The following UBE2E2 variants were observed in gnomAD, a reference collection of about 807,000 sequenced individuals.
UBE2E2 encodes ubiquitin-conjugating enzyme E2 E2.
Under a neutral mutation model 24.7 loss-of-function variants are expected in UBE2E2, and 6 were observed. The observed-to-expected ratio is 0.24, with a 90% confidence interval of 0.13 to 0.48. The LOEUF (loss-of-function observed/expected upper bound fraction) is 0.48, where lower values mean the gene tolerates loss of function less well. Among genes scored for constraint, UBE2E2 ranks in the 20% least tolerant of loss-of-function variants. The pLI, the probability that UBE2E2 is intolerant of heterozygous loss-of-function variation, is 0.99. For synonymous variants in UBE2E2, 104 were observed against 83.6 expected (o/e 1.24, Z -1.33); for missense variants, 169 against 245.0 (o/e 0.69, Z 2.07).
chr3:23,308,843 G>T (rs1405277171), intron 3 of UBE2E2, among the ~76,000 whole-genome samples: 1 of 152,164 alleles, frequency 6.6e-6, no homozygotes, highest in Non-Finnish European at 1.5e-5. Flanking sequence ...TCAAAACCGG[G>T]TAAGCTGACA....
intron 3 of UBE2E2, among the ~76,000 whole-genome samples, chr3:23,451,285 T>G (rs533171180): frequency 2.0e-4 from 30 of 152,334 alleles, no homozygotes; most frequent in African/African-American, 7.0e-4. Context: ...TCCATTTAGA[T>G]TCATTAATTT....
At chr3:23,352,581 T>C (rs1436755574) in intron 3 of UBE2E2, among the ~76,000 whole-genome samples, 1 of 152,166 alleles carries the variant, frequency 6.6e-6, no homozygotes, top group Non-Finnish European at 1.5e-5. Context: ...AAATGCAAAC[T>C]ACCATCAGAG....
intron 3 of UBE2E2, among the ~76,000 whole-genome samples, chr3:23,372,434 A>AT (rs1437214167): frequency 3.3e-5 from 5 of 152,228 alleles, no homozygotes; most frequent in African/African-American, 1.2e-4. Flanking sequence ...TCTGTTTCAG[A>AT]TTCCTGCTGT....
chr3:23,441,365 A>G (rs771753343), intron 3 of UBE2E2, among the ~76,000 whole-genome samples: 33 of 114,498 alleles, frequency 2.9e-4, no homozygotes, highest in Non-Finnish European at 4.0e-4. Context: ...TCTACTAAAA[A>G]TCCAAAAAAA....
chr3:23,541,905 C>T (rs1329299996), intron 5 of UBE2E2, among the ~76,000 whole-genome samples: 1 of 152,174 alleles, frequency 6.6e-6, no homozygotes, highest in East Asian at 1.9e-4. Flanking sequence ...CACATGTGTA[C>T]TCCAGTGACT....
At chr3:23,292,493 G>A (rs4858491) in intron 3 of UBE2E2, among the ~76,000 whole-genome samples, 59,342 of 151,840 alleles carry the variant, frequency 0.39, 12,079 homozygotes, top group Admixed American at 0.53. Flanking sequence ...AGGGCCCAAG[G>A]CTTGCTCTCT....
intron 3 of UBE2E2, among the ~76,000 whole-genome samples, chr3:23,271,544 C>T (rs551125417): frequency 6.6e-6 from 1 of 152,280 alleles, no homozygotes; most frequent in East Asian, 1.9e-4. Context: ...CTGATTGGCC[C>T]ATTTTATGGA....
Position 23,330,610 on chromosome 3 carries a change from G to C in UBE2E2, c.227+113298G>C, listed in dbSNP as rs1695034203. Among the ~76,000 whole-genome samples the C allele has an allele frequency of 3.3e-5, 5 of 152,318 alleles. No individual in the cohort carries two copies. The South Asian group carries it at 1.0e-3, about 32-fold the overall frequency. On this transcript the variant is annotated intron_variant, in intron 3 of 5. Transcript: ENST00000396703. ...TGGATAAGGCAGAGTGCTTTCCCTG[G>C]AGGTGTATGGAGAGAATTCACATGA...
At chr3:23,445,607 G>A (rs534116975) in intron 3 of UBE2E2, among the ~76,000 whole-genome samples, 1 of 152,270 alleles carries the variant, frequency 6.6e-6, no homozygotes, top group East Asian at 1.9e-4. Flanking sequence ...TGGCTAGATC[G>A]GAAATCCTTT....
At chr3:23,222,852 C>G (rs1575481477) in intron 3 of UBE2E2, among the ~76,000 whole-genome samples, 1 of 152,006 alleles carries the variant, frequency 6.6e-6, no homozygotes, top group East Asian at 1.9e-4. Context: ...ACGAGCCTTC[C>G]CCTTTCTCCG....
intron 5 of UBE2E2, among the ~76,000 whole-genome samples, chr3:23,569,853 A>G (rs1204713404): frequency 6.6e-6 from 1 of 152,214 alleles, no homozygotes; most frequent in Non-Finnish European, 1.5e-5. Context: ...AAAATATTTT[A>G]TCAAGTATAT....
chr3:23,453,377 T>TA (rs1698608641), intron 3 of UBE2E2, among the ~76,000 whole-genome samples: 1 of 152,010 alleles, frequency 6.6e-6, no homozygotes. Context: ...AAGAAAAAAA[T>TA]ACTTTATATC....
At chr3:23,453,678 A>G (rs1375058744) in intron 3 of UBE2E2, among the ~76,000 whole-genome samples, 1 of 152,242 alleles carries the variant, frequency 6.6e-6, no homozygotes, top group Non-Finnish European at 1.5e-5. Context: ...GATATTGCAT[A>G]TTAACGACTT....
intron 3 of UBE2E2, among the ~76,000 whole-genome samples, chr3:23,310,756 A>G (rs1575552114): frequency 1.3e-5 from 2 of 152,270 alleles, no homozygotes; most frequent in East Asian, 3.9e-4. Flanking sequence ...ACTCATACAC[A>G]TAAAAGATAA....
intron 3 of UBE2E2, among the ~76,000 whole-genome samples, chr3:23,272,327 C>G (rs2125364239): frequency 6.6e-6 from 1 of 152,274 alleles, no homozygotes; most frequent in East Asian, 1.9e-4. Flanking sequence ...CACGCCCACC[C>G]AGAACTTTCA....
intron 5 of UBE2E2, among the ~76,000 whole-genome samples, chr3:23,539,422 C>G (rs998761563): frequency 6.6e-6 from 1 of 152,126 alleles, no homozygotes; most frequent in Non-Finnish European, 1.5e-5. Context: ...ATATGGGATA[C>G]CTTAAAAAGT....
chr3:23,421,941 C>T (rs1358874441), intron 3 of UBE2E2, among the ~76,000 whole-genome samples: 1 of 152,150 alleles, frequency 6.6e-6, no homozygotes, highest in East Asian at 1.9e-4. Context: ...AATAATAGCA[C>T]AGTTATTGAA....
chr3:23,228,790 T>A (rs1696894851), intron 3 of UBE2E2, among the ~76,000 whole-genome samples: 1 of 152,204 alleles, frequency 6.6e-6, no homozygotes, highest in Non-Finnish European at 1.5e-5. Flanking sequence ...CAGCACTTTC[T>A]TCTAAAACGT....
chr3:23,288,430 A>G (rs1698676502), intron 3 of UBE2E2, among the ~76,000 whole-genome samples: 1 of 152,154 alleles, frequency 6.6e-6, no homozygotes. Flanking sequence ...TATTAGGTCC[A>G]TTTTGTCTAC....
Sources: gnomAD v4.1 joint callset for allele counts (sites outside exome capture counted in the v4.1 genomes callset) on GRCh38, gnomAD v4.1.1 for gene constraint, MANE v1.5 for transcripts, NCBI Gene and HGNC (gene_info 2026-07-23, HGNC 2026-07-21) for gene names.